UNC5C: variants seen among roughly 807,000 people sequenced by gnomAD.
UNC5C encodes the protein unc-5 netrin receptor C.
UNC5C carries 47 observed loss-of-function variants against 99.8 expected under a neutral mutation model. The observed-to-expected ratio is 0.47, with a 90% CI of 0.37 to 0.60. The LOEUF is 0.60. Ranked by LOEUF, UNC5C falls within the 20% of genes least tolerant of loss-of-function variation. The pLI, the probability that UNC5C is intolerant of heterozygous loss-of-function variation, is 0.00. For missense variants in UNC5C, 1,062 were observed against 1,165.9 expected (o/e 0.91, Z 1.30); for synonymous variants, 487 against 452.2 (o/e 1.08, Z -0.98).
intron 8 of UNC5C, 47 bp downstream of exon 8, chr4:95,219,938 T>C: frequency 6.4e-7 from 1 of 1,568,522 alleles, no homozygotes; most frequent in Non-Finnish European, 8.7e-7. Context: ...ATTTTGAAAC[T>C]GCTTACATGC....
chr4:95,172,019 T>G (rs1736138335), intron 14 of UNC5C, among the ~76,000 whole-genome samples: 1 of 149,752 alleles, frequency 6.7e-6, no homozygotes, highest in Non-Finnish European at 1.5e-5. Context: ...ATGTGTTTTT[T>G]GGCTGCATAA....
At chr4:95,476,471 A>T (rs770274547) in intron 1 of UNC5C, among the ~76,000 whole-genome samples, 1 of 152,116 alleles carries the variant, frequency 6.6e-6, no homozygotes, top group Non-Finnish European at 1.5e-5. Context: ...AATATTGCAC[A>T]AATTACATAA....
intron 1 of UNC5C, among the ~76,000 whole-genome samples, chr4:95,346,681 T>C (rs1050110250): frequency 1.3e-5 from 2 of 151,666 alleles, no homozygotes; most frequent in Non-Finnish European, 3.0e-5. Context: ...CAACAACATA[T>C]GACGATGAAA....
intron 1 of UNC5C, among the ~76,000 whole-genome samples, chr4:95,478,462 C>T (rs898161943): frequency 3.3e-5 from 5 of 152,002 alleles, no homozygotes; most frequent in Non-Finnish European, 5.9e-5. Flanking sequence ...TTCGATGGTT[C>T]AGGGCTGCTT....
intron 1 of UNC5C, among the ~76,000 whole-genome samples, chr4:95,521,528 T>C (rs1256463185): frequency 6.6e-6 from 1 of 152,130 alleles, no homozygotes. Context: ...TCTTCTTCTT[T>C]TTATAAGGGC....
intron 7 of UNC5C, 73 bp downstream of exon 7, chr4:95,242,356 G>T: frequency 6.4e-7 from 1 of 1,566,622 alleles, no homozygotes; most frequent in Non-Finnish European, 8.7e-7. Flanking sequence ...TATTTCTAAT[G>T]TTTCCTTAAA....
At chr4:95,264,913 TC>T (rs1289840004) in intron 4 of UNC5C, among the ~76,000 whole-genome samples, 1 of 152,182 alleles carries the variant, frequency 6.6e-6, no homozygotes, top group Non-Finnish European at 1.5e-5. Context: ...TTTTATAACA[TC>T]CAGCATTTTC....
intron 1 of UNC5C, among the ~76,000 whole-genome samples, chr4:95,535,944 T>TA (rs1722761160): frequency 6.6e-6 from 1 of 151,838 alleles, no homozygotes; most frequent in Non-Finnish European, 1.5e-5. Flanking sequence ...TGATATACTT[T>TA]AAAAAATGAA....
intron 1 of UNC5C, among the ~76,000 whole-genome samples, chr4:95,481,083 A>G (rs1721136811): frequency 6.6e-6 from 1 of 151,470 alleles, no homozygotes. Context: ...CTGTTTGCAG[A>G]TGACATGATT....
In UNC5C at chr4:95,310,045, C is replaced by T. The variant is rs372155021; in HGVS notation, c.347-8296G>A. On this transcript the variant is annotated intron_variant, in intron 2 of 15. Coordinates refer to ENST00000453304, the MANE Select transcript of UNC5C (RefSeq NM_003728.4). ...AAGACATGGGATTAACCTAAGTGTC[C>T]ATCAATAGATGAGTGGTGGTAGAAA... Among the ~76,000 whole-genome samples the T allele has an allele frequency of 1.4e-3, 210 of 152,236 alleles. 1 individual carries two copies. Among genetic ancestry groups the T allele is most frequent in the African/African-American group, 4.8e-3 (201 of 41,544 alleles).
chr4:95,380,656 C>T (rs12502414), intron 1 of UNC5C, among the ~76,000 whole-genome samples: 25,047 of 152,032 alleles, frequency 0.16, 2,518 homozygotes, highest in Admixed American at 0.31. Flanking sequence ...AAAAACCCTG[C>T]GAACTAAATC....
chr4:95,337,325 T>C (rs1743389436), intron 1 of UNC5C, among the ~76,000 whole-genome samples: 1 of 151,984 alleles, frequency 6.6e-6, no homozygotes, highest in Non-Finnish European at 1.5e-5. Flanking sequence ...CTTTCAGCCA[T>C]TGTTTCAGAA....
intron 3 of UNC5C, among the ~76,000 whole-genome samples, chr4:95,290,615 T>C (rs563595670): frequency 6.6e-6 from 1 of 152,306 alleles, no homozygotes; most frequent in African/African-American, 2.4e-5. Flanking sequence ...ACTTACTTCA[T>C]AGGATGTCGT....
intron 7 of UNC5C, among the ~76,000 whole-genome samples, chr4:95,237,448 A>G (rs549878595): frequency 1.4e-4 from 21 of 152,334 alleles, no homozygotes; most frequent in African/African-American, 4.8e-4. Context: ...CATTAGTTTT[A>G]TAAGTAACCT....
chr4:95,417,286 A>T (rs902453939), intron 1 of UNC5C, among the ~76,000 whole-genome samples: 2 of 152,226 alleles, frequency 1.3e-5, no homozygotes, highest in Non-Finnish European at 2.9e-5. Flanking sequence ...CTTTTCACAG[A>T]TATTAGCCCC....
chr4:95,436,580 A>G (rs1274998332), intron 1 of UNC5C, among the ~76,000 whole-genome samples: 3 of 151,970 alleles, frequency 2.0e-5, no homozygotes, highest in African/African-American at 7.2e-5. Flanking sequence ...AAGACTGGTC[A>G]CTCAACAAAA....
Position 95,163,643 on chromosome 4 carries a change from A to T in UNC5C, c.*5591T>A, listed in dbSNP as rs374827264. ...CCTTAAATGGTATGACTTGCAATTTATATTTTTGTTGAAGGACAAATCTGA... is the reference window on the plus strand; with the variant it reads ...CCTTAAATGGTATGACTTGCAATTTTTATTTTTGTTGAAGGACAAATCTGA... On this transcript the variant is annotated 3_prime_UTR_variant, in exon 16 of 16. Transcript: ENST00000453304. The T allele has an allele frequency of 6.6e-6, 1 of 152,242 alleles. No homozygotes were observed. The highest frequency in any genetic ancestry group is 2.4e-5 in the African/African-American group (1 of 41,464). The allele number at this position is 152,242 out of a possible 1,614,324, so 9.4% of individuals were successfully genotyped here. A position where few individuals can be genotyped will look rare whatever the true frequency, so the allele number is the denominator to read the frequency against.
chr4:95,490,417 A>T (rs926800407), intron 1 of UNC5C, among the ~76,000 whole-genome samples: 2 of 151,652 alleles, frequency 1.3e-5, no homozygotes, highest in Non-Finnish European at 3.0e-5. Flanking sequence ...ATTAATATAT[A>T]AAAAACCCCT....
At chr4:95,390,406 A>G (rs1745323441) in intron 1 of UNC5C, among the ~76,000 whole-genome samples, 1 of 147,396 alleles carries the variant, frequency 6.8e-6, no homozygotes, top group Admixed American at 6.7e-5. Context: ...AAAAAAAGAC[A>G]CAACAATACA....
Sources: allele counts gnomAD v4.1 joint callset (sites outside exome capture counted in the v4.1 genomes callset), GRCh38; gene constraint gnomAD v4.1.1; transcripts MANE v1.5; gene names NCBI Gene and HGNC (gene_info 2026-07-23, HGNC 2026-07-21).